ROBO2: variants seen among roughly 807,000 people sequenced by gnomAD.
ROBO2 encodes the protein roundabout homolog 2.
ROBO2 carries 53 observed loss-of-function variants against 160.8 expected under a neutral mutation model. The observed-to-expected ratio is 0.33, with a 90% confidence interval of 0.26 to 0.41. The LOEUF is 0.41. ROBO2 is among the 10% of genes least tolerant of loss of function. The probability of loss-of-function intolerance (pLI) is 1.00; values close to 1 mark genes in which losing one functional copy is unlikely to be tolerated. For missense variants in ROBO2, 1,577 were observed against 1,722.4 expected, an observed-to-expected ratio of 0.92 and a Z score of 1.49; for synonymous variants, 664 against 611.7, an observed-to-expected ratio of 1.09 and a Z score of -1.26.
Position 77,493,399 on chromosome 3 carries a change from G to A in ROBO2, c.806+17G>A, listed in dbSNP as rs750398889. On this transcript the variant is annotated intron_variant, in intron 5 of 25. Transcript: ENST00000461745. ...AAGAGGAAGGTAAGACCAACATATGGATGGAAGATTGTTAGATAACCAATG... is the reference window on the plus strand; with the variant it reads ...AAGAGGAAGGTAAGACCAACATATGAATGGAAGATTGTTAGATAACCAATG... 3.1e-6 allele frequency: 5 copies of A among 1,613,102 alleles called. No homozygotes were observed. The highest frequency in any genetic ancestry group is 1.3e-5 in the African/African-American group (1 of 74,838).
intron 2 of ROBO2, among the ~76,000 whole-genome samples, chr3:76,429,318 G>A (rs115215279): frequency 0.011 from 1,706 of 152,184 alleles, 18 homozygotes; most frequent in South Asian, 0.049. Context: ...GGTAAAAAGC[G>A]ACAAAAGGAA....
chr3:75,938,472 A>G (rs1427958387), intron 2 of ROBO2, among the ~76,000 whole-genome samples: 1 of 152,036 alleles, frequency 6.6e-6, no homozygotes, highest in Non-Finnish European at 1.5e-5. Flanking sequence ...TGGGGCAAGT[A>G]TATTTGGCAT....
chr3:76,866,008 A>G (rs1325267041), intron 2 of ROBO2, among the ~76,000 whole-genome samples: 1 of 152,100 alleles, frequency 6.6e-6, no homozygotes, highest in Admixed American at 6.5e-5. Context: ...TCCTTATTTT[A>G]AGCCTTACCA....
Position 76,711,610 on chromosome 3 carries a change from T to C in ROBO2, c.110-386404T>C, listed in dbSNP as rs531232517. Among the ~76,000 whole-genome samples, 4 of 152,268 alleles carry C rather than the reference T, an allele frequency of 2.6e-5. No individual in the cohort carries two copies. The East Asian group carries it at 7.7e-4, about 29-fold the overall frequency. ...AGCACCTGTCAAATGGCAGGGACTG[T>C]GCAAGAACGCCTAACGTACAACAGA... On this transcript the variant is annotated intron_variant, in intron 2 of 26. Transcript: ENST00000487694.
At chr3:76,617,190 A>G (rs2088654717) in intron 2 of ROBO2, among the ~76,000 whole-genome samples, 1 of 152,150 alleles carries the variant, frequency 6.6e-6, no homozygotes, top group African/African-American at 2.4e-5. Flanking sequence ...AAGGGCTTAG[A>G]GATCATCTCC....
intron 2 of ROBO2, among the ~76,000 whole-genome samples, chr3:76,852,611 A>G (rs1014332043): frequency 2.0e-4 from 30 of 152,312 alleles, no homozygotes; most frequent in Admixed American, 1.6e-3. Context: ...ATTTTAAGAG[A>G]GAGAAAATTA....
At chr3:77,473,601 C>T (rs1313712970) in intron 2 of ROBO2, among the ~76,000 whole-genome samples, 1 of 151,572 alleles carries the variant, frequency 6.6e-6, no homozygotes, top group Non-Finnish European at 1.5e-5. Context: ...CTACAGGCAC[C>T]CGCCACTGCG....
At chr3:76,782,494 G>A (rs1170670258) in intron 2 of ROBO2, among the ~76,000 whole-genome samples, 2 of 150,738 alleles carry the variant, frequency 1.3e-5, no homozygotes, top group South Asian at 2.1e-4. Flanking sequence ...AATTCCCTAC[G>A]ATTATTTTAT....
intron 2 of ROBO2, among the ~76,000 whole-genome samples, chr3:75,953,711 C>A (rs1948630249): frequency 6.6e-6 from 1 of 151,912 alleles, no homozygotes; most frequent in Non-Finnish European, 1.5e-5. Context: ...TCTCACCTCA[C>A]AAACAATAGC....
At chr3:77,058,082 CT>C (rs1475190723) in intron 1 of ROBO2, among the ~76,000 whole-genome samples, 2 of 151,820 alleles carry the variant, frequency 1.3e-5, no homozygotes, top group Non-Finnish European at 2.9e-5. Flanking sequence ...AAGGAGAATA[CT>C]CGGATGTTTT....
At chr3:75,939,044 A>G (rs566817776) in intron 2 of ROBO2, among the ~76,000 whole-genome samples, 1 of 152,250 alleles carries the variant, frequency 6.6e-6, no homozygotes, top group Admixed American at 6.6e-5. Context: ...TAAAATTACT[A>G]AAATGCAGCA....
chr3:77,536,620 G>T (rs2092122717), intron 6 of ROBO2, among the ~76,000 whole-genome samples: 1 of 152,068 alleles, frequency 6.6e-6, no homozygotes, highest in South Asian at 2.1e-4. Context: ...TTGTTTCCAG[G>T]AATGTCTCTT....
chr3:76,509,046 G>C (rs532790674), intron 2 of ROBO2, among the ~76,000 whole-genome samples: 12 of 152,250 alleles, frequency 7.9e-5, no homozygotes, highest in African/African-American at 2.9e-4. Flanking sequence ...TGCCCATATA[G>C]TGAATTGGGT....
chr3:76,570,274 A>C (rs1266233251), intron 2 of ROBO2, among the ~76,000 whole-genome samples: 1 of 152,228 alleles, frequency 6.6e-6, no homozygotes, highest in Non-Finnish European at 1.5e-5. Context: ...CCACAGGGTA[A>C]GTAAGCCAGG....
intron 2 of ROBO2, among the ~76,000 whole-genome samples, chr3:76,233,975 G>A (rs1298163045): frequency 3.3e-5 from 5 of 152,028 alleles, no homozygotes; most frequent in South Asian, 2.1e-4. Flanking sequence ...CTCTTCCCAC[G>A]CTCCAACCTC....
chr3:77,189,907 G>T (rs971466267), intron 2 of ROBO2, among the ~76,000 whole-genome samples: 1 of 151,768 alleles, frequency 6.6e-6, no homozygotes, highest in African/African-American at 2.4e-5. Context: ...GGAGTTCAAG[G>T]TTTCCCAGAT....
chr3:76,032,970 G>A (rs527579299), intron 2 of ROBO2, among the ~76,000 whole-genome samples: 1 of 152,168 alleles, frequency 6.6e-6, no homozygotes, highest in Non-Finnish European at 1.5e-5. Flanking sequence ...ATTGCAATGT[G>A]TGATATACTA....
In ROBO2 at chr3:77,405,706, A is replaced by G. The variant is rs115127970; in HGVS notation, c.389-71708A>G. Among the ~76,000 whole-genome samples the G allele has an allele frequency of 9.8e-3, 1,492 of 152,232 alleles. 31 individuals carry two copies. Among genetic ancestry groups the G allele is most frequent in the African/African-American group, 0.034 (1,425 of 41,570 alleles). On this transcript the variant is annotated intron_variant, in intron 2 of 25. Transcript: ENST00000461745. ...ATGTTTATAAGTCTACTAAAAAATTAAAGATTTCTAATAGTTTAGGAGTTG... is the reference window on the plus strand; with the variant it reads ...ATGTTTATAAGTCTACTAAAAAATTGAAGATTTCTAATAGTTTAGGAGTTG...
chr3:76,439,864 C>T (rs545464796), intron 2 of ROBO2, among the ~76,000 whole-genome samples: 1 of 152,276 alleles, frequency 6.6e-6, no homozygotes, highest in Admixed American at 6.5e-5. Flanking sequence ...TTCACACTCC[C>T]ACGATGGGTA....
Sources: gnomAD v4.1 joint callset for allele counts (sites outside exome capture counted in the v4.1 genomes callset) on GRCh38, gnomAD v4.1.1 for gene constraint, MANE v1.5 for transcripts, NCBI Gene and HGNC (gene_info 2026-07-23, HGNC 2026-07-21) for gene names.